Variants in GALNTL6 observed in about 807,000 individuals in gnomAD.
The protein encoded by GALNTL6 is polypeptide N-acetylgalactosaminyltransferase-like 6.
Under a neutral mutation model 73.7 loss-of-function variants are expected in GALNTL6, and 46 were observed. The observed-to-expected ratio is 0.62, with a 90% CI of 0.49 to 0.80. The LOEUF (loss-of-function observed/expected upper bound fraction) is 0.80, where lower values mean the gene tolerates loss of function less well. Among genes scored for constraint, GALNTL6 ranks in the 30% least tolerant of loss-of-function variants. The probability of loss-of-function intolerance (pLI) is 0.00; values close to 1 mark genes in which losing one functional copy is unlikely to be tolerated. For synonymous variants in GALNTL6, 259 were observed against 263.7 expected (o/e 0.98, Z 0.17); for missense variants, 604 against 755.0 (o/e 0.80, Z 2.34).
intron 5 of GALNTL6, chr4:172,545,533 G>A (rs956270847): frequency 6.6e-6 from 1 of 152,162 alleles, no homozygotes; most frequent in African/African-American, 2.4e-5. Context: ...GTACAATGAG[G>A]TCCTAAGCAA....
chr4:172,800,061 T>G (rs1393477703), intron 5 of GALNTL6, among the ~76,000 whole-genome samples: 1 of 151,980 alleles, frequency 6.6e-6, no homozygotes, highest in Non-Finnish European at 1.5e-5. Flanking sequence ...TTATCTGGAG[T>G]AGTCAAACTT....
chr4:172,960,748 T>C (rs1489447293), intron 10 of GALNTL6, among the ~76,000 whole-genome samples: 1 of 152,128 alleles, frequency 6.6e-6, no homozygotes, highest in African/African-American at 2.4e-5. Context: ...GGAATGACTG[T>C]CGAGTTTGTA....
intron 2 of GALNTL6, among the ~76,000 whole-genome samples, chr4:171,938,213 C>T (rs1184413261): frequency 6.6e-6 from 1 of 152,004 alleles, no homozygotes; most frequent in African/African-American, 2.4e-5. Context: ...CTTAGTCATT[C>T]CCCAGTCTCC....
intron 2 of GALNTL6, among the ~76,000 whole-genome samples, chr4:172,012,007 T>C (rs776143042): frequency 6.6e-6 from 1 of 152,044 alleles, no homozygotes; most frequent in Non-Finnish European, 1.5e-5. Context: ...CTTATTGATT[T>C]GTCATTTCAG....
At chr4:172,104,913 A>G (rs1458215981) in intron 2 of GALNTL6, among the ~76,000 whole-genome samples, 1 of 152,198 alleles carries the variant, frequency 6.6e-6, no homozygotes, top group Non-Finnish European at 1.5e-5. Flanking sequence ...GAATACCTCC[A>G]CAACTGATGA....
At chr4:172,939,859 A>G (rs1748827160) in intron 9 of GALNTL6, among the ~76,000 whole-genome samples, 1 of 152,168 alleles carries the variant, frequency 6.6e-6, no homozygotes. Context: ...AAATGAGAAA[A>G]TTGTGTGAGA....
At chr4:172,957,019 T>C (rs891161634) in intron 10 of GALNTL6, among the ~76,000 whole-genome samples, 3 of 152,286 alleles carry the variant, frequency 2.0e-5, no homozygotes, top group Middle Eastern at 3.4e-3. Context: ...GTGGCCTTCT[T>C]AGACCCTGTG....
intron 5 of GALNTL6, among the ~76,000 whole-genome samples, chr4:172,430,698 G>A (rs953213266): frequency 4.6e-5 from 7 of 151,984 alleles, no homozygotes; most frequent in Admixed American, 3.9e-4. Context: ...CCAGCTACTC[G>A]GGAGGCTGAG....
chr4:172,179,629 T>A (rs1439391752), intron 2 of GALNTL6, among the ~76,000 whole-genome samples: 8 of 147,140 alleles, frequency 5.4e-5, no homozygotes, highest in Admixed American at 3.4e-4. Flanking sequence ...TGATGGTAGT[T>A]TCTTTTGCTG....
chr4:172,284,999 T>A (rs1739196188), intron 3 of GALNTL6, among the ~76,000 whole-genome samples: 1 of 152,334 alleles, frequency 6.6e-6, no homozygotes, highest in South Asian at 2.1e-4. Flanking sequence ...GGTATTTTAA[T>A]AGGGATTGCA....
At chr4:172,060,476 T>C (rs1731165052) in intron 2 of GALNTL6, among the ~76,000 whole-genome samples, 1 of 152,206 alleles carries the variant, frequency 6.6e-6, no homozygotes, top group Non-Finnish European at 1.5e-5. Context: ...ACCAAAAAAA[T>C]TTTAACATGT....
intron 10 of GALNTL6, among the ~76,000 whole-genome samples, chr4:173,001,647 A>G (rs1752051144): frequency 6.6e-6 from 1 of 152,240 alleles, no homozygotes; most frequent in Non-Finnish European, 1.5e-5. Flanking sequence ...TAGAATATAT[A>G]TTTTCAAAAC....
At chr4:172,945,166 A>T (rs1749104980) in intron 9 of GALNTL6, among the ~76,000 whole-genome samples, 1 of 152,176 alleles carries the variant, frequency 6.6e-6, no homozygotes, top group Admixed American at 6.5e-5. Context: ...AAGCCAGACA[A>T]AAAGAGCACA....
intron 2 of GALNTL6, among the ~76,000 whole-genome samples, chr4:172,018,476 G>T (rs1741280317): frequency 1.3e-5 from 2 of 151,978 alleles, no homozygotes; most frequent in African/African-American, 2.4e-5. Flanking sequence ...AGTATAGTTT[G>T]CCAGGGAAGT....
chr4:173,021,638 C>T lies in GALNTL6; in HGVS notation c.1638+13C>T. The T allele has an allele frequency of 6.2e-7, 1 of 1,610,618 alleles. No individual in the cohort carries two copies. On this transcript the variant is annotated intron_variant, in intron 12 of 12. Transcript: ENST00000506823. Reference sequence around the variant, plus strand: ...GGGATACCGGAAGGTAAGAGTCAGTCCACTGTGGTCATTCTCAAATTACTG... The same window carrying T: ...GGGATACCGGAAGGTAAGAGTCAGTTCACTGTGGTCATTCTCAAATTACTG...
chr4:172,152,334 CAG>C (rs1225418400), intron 2 of GALNTL6, among the ~76,000 whole-genome samples: 1 of 152,126 alleles, frequency 6.6e-6, no homozygotes, highest in Non-Finnish European at 1.5e-5. Context: ...GTTTGTCAGA[CAG>C]GGGAATATGA....
chr4:171,907,516 T>A (rs868496189), intron 2 of GALNTL6, among the ~76,000 whole-genome samples: 2 of 151,774 alleles, frequency 1.3e-5, no homozygotes, highest in Non-Finnish European at 2.9e-5. Flanking sequence ...AATGGAAGAA[T>A]ATTCCATGCT....
intron 5 of GALNTL6, among the ~76,000 whole-genome samples, chr4:172,772,135 T>C (rs1738803338): frequency 6.6e-6 from 1 of 152,188 alleles, no homozygotes. Flanking sequence ...TTATTCACTA[T>C]CATGAGAAGA....
intron 2 of GALNTL6, among the ~76,000 whole-genome samples, chr4:172,105,434 G>A (rs1024941296): frequency 6.6e-6 from 1 of 151,718 alleles, no homozygotes; most frequent in African/African-American, 2.4e-5. Flanking sequence ...AAATATTTAC[G>A]GAGATAACAT....
Sources: gnomAD v4.1 joint callset for allele counts (sites outside exome capture counted in the v4.1 genomes callset) on GRCh38, gnomAD v4.1.1 for gene constraint, MANE v1.5 for transcripts, NCBI Gene and HGNC (gene_info 2026-07-23, HGNC 2026-07-21) for gene names.